Variants in FRMD4A observed in about 807,000 individuals in gnomAD.
FRMD4A encodes the protein FERM domain containing 4A.
Under a neutral mutation model 129.1 loss-of-function variants are expected in FRMD4A, and 29 were observed. The observed-to-expected ratio is 0.22, with a 90% CI of 0.17 to 0.31. FRMD4A has a LOEUF of 0.31. Among genes scored for constraint, FRMD4A ranks in the 10% least tolerant of loss-of-function variants. The pLI is 1.00. For missense variants in FRMD4A, 1,272 were observed against 1,375.8 expected (o/e 0.92, Z 1.19); for synonymous variants, 634 against 571.6 (o/e 1.11, Z -1.56).
At chr10:13,663,125 G>C (rs1469690783) in intron 19 of FRMD4A, among the ~76,000 whole-genome samples, 1 of 151,526 alleles carries the variant, frequency 6.6e-6, no homozygotes, top group Admixed American at 6.6e-5. Flanking sequence ...AGGAGGCAGA[G>C]GTTGTAGTGA....
chr10:14,196,332 A>G (rs1842472478), intron 2 of FRMD4A, among the ~76,000 whole-genome samples: 1 of 152,180 alleles, frequency 6.6e-6, no homozygotes, highest in African/African-American at 2.4e-5. Context: ...CTGATCCCAG[A>G]GTCTCTGCCA....
At chr10:13,815,550 A>G (rs2093528342) in intron 3 of FRMD4A, among the ~76,000 whole-genome samples, 1 of 152,096 alleles carries the variant, frequency 6.6e-6, no homozygotes, top group African/African-American at 2.4e-5. Context: ...ATGGTGTTTG[A>G]TGTTACATGT....
intron 5 of FRMD4A, among the ~76,000 whole-genome samples, chr10:13,789,920 A>G (rs986717029): frequency 2.0e-5 from 3 of 151,982 alleles, no homozygotes; most frequent in African/African-American, 7.2e-5. Flanking sequence ...GAAAAAAATT[A>G]TGAGCAAGGA....
intron 2 of FRMD4A, among the ~76,000 whole-genome samples, chr10:13,976,088 G>A (rs1234839210): frequency 6.6e-6 from 1 of 152,186 alleles, no homozygotes; most frequent in South Asian, 2.1e-4. Flanking sequence ...GGAAGACAGA[G>A]TAAGGAGCAG....
At chr10:13,694,192 C>G (rs1166950431) in intron 14 of FRMD4A, among the ~76,000 whole-genome samples, 153 bp from the exon 15 acceptor site, 1 of 152,220 alleles carries the variant, frequency 6.6e-6, no homozygotes, top group Non-Finnish European at 1.5e-5. Context: ...ATCCCTTGGC[C>G]TCATCATTAA....
intron 6 of FRMD4A, among the ~76,000 whole-genome samples, chr10:13,778,949 A>G (rs1436324158): frequency 1.3e-5 from 2 of 152,160 alleles, no homozygotes; most frequent in African/African-American, 4.8e-5. Flanking sequence ...CCCAGAACTT[A>G]AAGTATAATA....
At chr10:13,970,024 A>T (rs980613685) in intron 2 of FRMD4A, among the ~76,000 whole-genome samples, 2 of 152,226 alleles carry the variant, frequency 1.3e-5, no homozygotes, top group African/African-American at 2.4e-5. Context: ...AAAAGCTTCA[A>T]ATGGACAAAC....
At chr10:13,888,656 G>T (rs571364904) in intron 2 of FRMD4A, among the ~76,000 whole-genome samples, 1 of 152,166 alleles carries the variant, frequency 6.6e-6, no homozygotes, top group Non-Finnish European at 1.5e-5. Flanking sequence ...AAGATGCTGA[G>T]ATTTTGCACA....
intron 2 of FRMD4A, 133 bp from the exon 3 acceptor site, chr10:13,859,045 G>T: frequency 1.5e-6 from 1 of 689,414 alleles, no homozygotes. Context: ...ACTGTATAAT[G>T]CCAGGAGTTG....
At position 13,666,148 on chromosome 10, in the gene FRMD4A, G is replaced by T; in HGVS notation, c.1552C>A (p.Arg518Ser). ...GTGGGTTTCTTCCCAGACTTGATGC[G>T]GTTCTCATTGATTGCATTTTCAATC... ...QEIENAINENRIKSGKKPTQR... is the reference protein window; with the variant it reads ...QEIENAINENSIKSGKKPTQR... Residue 518 changes from arginine to serine, a missense_variant, in exon 18 of 25, where the codon CGC (arginine) becomes AGC (serine). Coordinates refer to ENST00000357447, the MANE Select transcript of FRMD4A (RefSeq NM_018027.5). The T allele has an allele frequency of 2.5e-6, 4 of 1,613,414 alleles. No individual in the cohort carries two copies. The highest frequency in any genetic ancestry group is 3.4e-6 in the Non-Finnish European group (4 of 1,179,384).
chr10:13,908,181 A>C (rs1425221276), intron 2 of FRMD4A, among the ~76,000 whole-genome samples: 1 of 151,170 alleles, frequency 6.6e-6, no homozygotes, highest in African/African-American at 2.4e-5. Flanking sequence ...AAAAAAAAAA[A>C]AAAAAAAAAG....
intron 19 of FRMD4A, among the ~76,000 whole-genome samples, chr10:13,661,894 G>A (rs1037526550): frequency 1.3e-5 from 2 of 152,076 alleles, no homozygotes; most frequent in African/African-American, 4.8e-5. Flanking sequence ...TCCCCCAGCC[G>A]TGGACACCCA....
intron 4 of FRMD4A, among the ~76,000 whole-genome samples, chr10:13,806,117 A>T (rs2093353091): frequency 6.6e-6 from 1 of 152,008 alleles, no homozygotes; most frequent in Non-Finnish European, 1.5e-5. Flanking sequence ...TCAGCCTCCC[A>T]AAGTGTTGGT....
chr10:14,046,055 A>G (rs1833981835), intron 2 of FRMD4A, among the ~76,000 whole-genome samples: 2 of 151,450 alleles, frequency 1.3e-5, no homozygotes, highest in South Asian at 4.1e-4. Context: ...TGAAAAGTAT[A>G]TTTCAATGAT....
At chr10:13,992,880 G>A (rs1450865254) in intron 2 of FRMD4A, among the ~76,000 whole-genome samples, 2 of 146,160 alleles carry the variant, frequency 1.4e-5, no homozygotes, top group African/African-American at 2.5e-5. Context: ...TTGACCCCCG[G>A]TGGCAGAGGT....
At chr10:14,245,824 C>T (rs1844214869) in intron 2 of FRMD4A, among the ~76,000 whole-genome samples, 1 of 152,178 alleles carries the variant, frequency 6.6e-6, no homozygotes, top group East Asian at 1.9e-4. Flanking sequence ...GTTGTTTAAC[C>T]CTCCCAGTCT....
At chr10:13,778,504 A>G (rs947504030) in intron 6 of FRMD4A, among the ~76,000 whole-genome samples, 1 of 151,934 alleles carries the variant, frequency 6.6e-6, no homozygotes, top group African/African-American at 2.4e-5. Flanking sequence ...GCCCTCCGTT[A>G]TTCTGAACAT....
At chr10:13,754,125 A>G (rs1219327879) in intron 8 of FRMD4A, among the ~76,000 whole-genome samples, 1 of 152,166 alleles carries the variant, frequency 6.6e-6, no homozygotes, top group Non-Finnish European at 1.5e-5. Flanking sequence ...CTGACACAGT[A>G]CCATAGCCAT....
chr10:13,669,228 G>A (rs1017387078), intron 17 of FRMD4A, among the ~76,000 whole-genome samples: 7 of 152,014 alleles, frequency 4.6e-5, no homozygotes, highest in African/African-American at 1.7e-4. Flanking sequence ...CCTGGCTAAT[G>A]TCTGTATCTT....
Sources: allele counts gnomAD v4.1 joint callset (sites outside exome capture counted in the v4.1 genomes callset), GRCh38; gene constraint gnomAD v4.1.1; transcripts MANE v1.5; gene names NCBI Gene and HGNC (gene_info 2026-07-23, HGNC 2026-07-21).